The following PITPNC1 variants were observed in gnomAD, a reference collection of about 807,000 sequenced individuals.
PITPNC1 encodes cytoplasmic phosphatidylinositol transfer protein 1.
In PITPNC1, 18 loss-of-function variants were observed where a neutral mutation model predicts 44.7. That is an observed-to-expected ratio of 0.40 (90% confidence interval 0.28 to 0.60). The LOEUF (loss-of-function observed/expected upper bound fraction) is 0.60, where lower values mean the gene tolerates loss of function less well. Among genes scored for constraint, PITPNC1 ranks in the 20% least tolerant of loss-of-function variants. The probability of loss-of-function intolerance (pLI) is 0.39; values close to 1 mark genes in which losing one functional copy is unlikely to be tolerated. For synonymous variants in PITPNC1, 141 were observed against 149.6 expected (o/e 0.94, Z 0.42); for missense variants, 290 against 418.4 (o/e 0.69, Z 2.68).
rs560694078 is a variant in PITPNC1, at chr17:67,523,380, A to G, written c.49-9422A>G. On this transcript the variant is annotated intron_variant, in intron 1 of 8. Transcript: ENST00000581322. Reference sequence around the variant, plus strand: ...AACCCGCAGCATAACAGGGATATGAATGAAACAGATCTGCAAGTCACAGTC... The same window carrying G: ...AACCCGCAGCATAACAGGGATATGAGTGAAACAGATCTGCAAGTCACAGTC... 3.3e-5 allele frequency among the ~76,000 whole-genome samples: 5 copies of G among 152,362 alleles called. No individual in the cohort carries two copies. The South Asian group carries it at 1.0e-3, about 32-fold the overall frequency.
intron 4 of PITPNC1, among the ~76,000 whole-genome samples, chr17:67,561,230 T>G (rs888145712): frequency 1.3e-5 from 2 of 152,072 alleles, no homozygotes; most frequent in African/African-American, 4.8e-5. Flanking sequence ...CCGAGGCAGG[T>G]GGATCACTTG....
chr17:67,660,771 C>T (rs1419712190), intron 6 of PITPNC1, among the ~76,000 whole-genome samples: 1 of 151,838 alleles, frequency 6.6e-6, no homozygotes, highest in East Asian at 1.9e-4. Context: ...GTCTCGAACT[C>T]CTGGCCTCAA....
At chr17:67,627,903 C>A (rs1390457125) in intron 5 of PITPNC1, among the ~76,000 whole-genome samples, 1 of 150,766 alleles carries the variant, frequency 6.6e-6, no homozygotes, top group East Asian at 1.9e-4. Flanking sequence ...ACAGCCTATT[C>A]TTTTCTTTTT....
At chr17:67,410,747 C>G (rs570686041) in intron 1 of PITPNC1, among the ~76,000 whole-genome samples, 1 of 152,130 alleles carries the variant, frequency 6.6e-6, no homozygotes, top group East Asian at 1.9e-4. Flanking sequence ...CAACATCACA[C>G]CAGCCTACTA....
intron 1 of PITPNC1, among the ~76,000 whole-genome samples, chr17:67,407,050 T>C (rs567563224): frequency 1.3e-5 from 2 of 152,250 alleles, no homozygotes; most frequent in African/African-American, 4.8e-5. Context: ...TGCTGGGTCA[T>C]GTGTAATTTT....
At chr17:67,441,763 T>C (rs1417812423) in intron 1 of PITPNC1, among the ~76,000 whole-genome samples, 1 of 152,154 alleles carries the variant, frequency 6.6e-6, no homozygotes, top group South Asian at 2.1e-4. Flanking sequence ...TTAATAGTTG[T>C]TACTTTTTGA....
At position 67,676,114 on chromosome 17, in the gene PITPNC1, G is replaced by C. The variant is rs1308486960; in HGVS notation, c.682+572G>C. Reference sequence around the variant, plus strand: ...CCCAGCTACTCAGGAGGCTGAGGCAGGAGAATGGCATGAACCTGGGAGGCG... The same window carrying C: ...CCCAGCTACTCAGGAGGCTGAGGCACGAGAATGGCATGAACCTGGGAGGCG... On this transcript the variant is annotated intron_variant, in intron 8 of 8. Transcript: ENST00000581322. The surrounding 1 kb of genome is among the most constrained non-coding windows in gnomAD (Gnocchi z 4.0). 6.6e-6 allele frequency among the ~76,000 whole-genome samples: 1 copy of C among 152,036 alleles called. No individual in the cohort carries two copies. Among genetic ancestry groups the C allele is most frequent in the Non-Finnish European group, 1.5e-5 (1 of 68,006 alleles).
chr17:67,491,160 G>A (rs1197474181), intron 1 of PITPNC1, among the ~76,000 whole-genome samples: 1 of 152,258 alleles, frequency 6.6e-6, no homozygotes, highest in Non-Finnish European at 1.5e-5. Flanking sequence ...GGAGCCCGGA[G>A]CCGGAGCCAG....
chr17:67,690,887 G>A (rs1202135490), intron 8 of PITPNC1, among the ~76,000 whole-genome samples: 1 of 151,986 alleles, frequency 6.6e-6, no homozygotes, highest in Admixed American at 6.6e-5. Flanking sequence ...GGTGGATCAC[G>A]AGGTTAGGAG....
At chr17:67,396,293 A>C (rs2038218841) in intron 1 of PITPNC1, among the ~76,000 whole-genome samples, 1 of 152,142 alleles carries the variant, frequency 6.6e-6, no homozygotes, top group Non-Finnish European at 1.5e-5. Flanking sequence ...CAGCCTTTTG[A>C]CCATGTTCTC....
At chr17:67,428,212 T>A (rs1171330695) in intron 1 of PITPNC1, among the ~76,000 whole-genome samples, 2 of 152,094 alleles carry the variant, frequency 1.3e-5, no homozygotes, top group Non-Finnish European at 2.9e-5. Flanking sequence ...GAATATTTAG[T>A]GTTTACAGCT....
chr17:67,435,575 C>A (rs1318047973), intron 1 of PITPNC1, among the ~76,000 whole-genome samples: 1 of 152,228 alleles, frequency 6.6e-6, no homozygotes, highest in Non-Finnish European at 1.5e-5. Context: ...AGTTTCAGGC[C>A]AGGTGCGGTG....
intron 1 of PITPNC1, among the ~76,000 whole-genome samples, chr17:67,529,746 A>C (rs1292204585): frequency 2.0e-5 from 3 of 152,220 alleles, no homozygotes; most frequent in African/African-American, 7.2e-5. Flanking sequence ...CAGGAGTTCA[A>C]GACCAGCCTG....
At chr17:67,618,889 C>G (rs1442334786) in intron 5 of PITPNC1, among the ~76,000 whole-genome samples, 1 of 152,058 alleles carries the variant, frequency 6.6e-6, no homozygotes, top group African/African-American at 2.4e-5. Flanking sequence ...AAAACCCCAT[C>G]TCTACTAAAA....
intron 1 of PITPNC1, among the ~76,000 whole-genome samples, chr17:67,462,151 T>C (rs1393679263): frequency 1.3e-5 from 2 of 151,916 alleles, no homozygotes; most frequent in Non-Finnish European, 2.9e-5. Flanking sequence ...GTTATGTTTA[T>C]TATGGGTTGG....
At chr17:67,460,359 CA>C (rs1255403956) in intron 1 of PITPNC1, among the ~76,000 whole-genome samples, 2 of 152,114 alleles carry the variant, frequency 1.3e-5, no homozygotes, top group African/African-American at 4.8e-5. Flanking sequence ...CCCCTTGCTG[CA>C]GGAGGCAGGA....
intron 1 of PITPNC1, among the ~76,000 whole-genome samples, chr17:67,507,304 G>A (rs151185241): frequency 2.7e-3 from 408 of 152,278 alleles, no homozygotes; most frequent in Non-Finnish European, 4.9e-3. Flanking sequence ...GGCCGAGTCC[G>A]AGAGCTGCAA....
intron 1 of PITPNC1, among the ~76,000 whole-genome samples, chr17:67,499,862 G>A (rs1202773817): frequency 1.3e-5 from 2 of 152,196 alleles, no homozygotes; most frequent in Non-Finnish European, 2.9e-5. Context: ...ATGTTTGCAC[G>A]ACAGAATCAT....
chr17:67,541,521 C>T (rs1056343996), intron 2 of PITPNC1, among the ~76,000 whole-genome samples: 1 of 151,866 alleles, frequency 6.6e-6, no homozygotes, highest in Non-Finnish European at 1.5e-5. Flanking sequence ...ATAGATTATA[C>T]AGCTGCAAAA....
Sources: allele counts gnomAD v4.1 joint callset (sites outside exome capture counted in the v4.1 genomes callset), GRCh38; gene constraint gnomAD v4.1.1; non-coding constraint Gnocchi (gnomAD v3.1); transcripts MANE v1.5; gene names NCBI Gene and HGNC (gene_info 2026-07-23, HGNC 2026-07-21).